The following YEATS4 variants were observed in gnomAD, a reference collection of about 807,000 sequenced individuals.
YEATS4 encodes YEATS domain-containing protein 4.
In YEATS4, 17 loss-of-function variants were observed where a neutral mutation model predicts 30.1. That is an observed-to-expected ratio of 0.56 (90% CI 0.39 to 0.85). YEATS4 has a LOEUF of 0.85. YEATS4 is among the 40% of genes least tolerant of loss of function. The pLI is 0.00. For missense variants in YEATS4, 142 were observed against 268.3 expected (o/e 0.53, Z 3.29); for synonymous variants, 85 against 87.5 (o/e 0.97, Z 0.16).
At chr12:69,371,341 T>C (rs1488172134) in intron 6 of YEATS4, among the ~76,000 whole-genome samples, 2 of 152,248 alleles carry the variant, frequency 1.3e-5, no homozygotes, top group African/African-American at 4.8e-5. Context: ...ATTATACTTT[T>C]ATATACTGTG....
chr12:69,360,259 G>A (rs1012299069), intron 1 of YEATS4, among the ~76,000 whole-genome samples: 4 of 152,188 alleles, frequency 2.6e-5, no homozygotes, highest in African/African-American at 4.8e-5. Context: ...ACAGATAAAT[G>A]GTGGCTTGGG....
chr12:69,366,423 C>T (rs1875437087), intron 4 of YEATS4, among the ~76,000 whole-genome samples: 1 of 152,060 alleles, frequency 6.6e-6, no homozygotes, highest in African/African-American at 2.4e-5. Flanking sequence ...GATCCTTCAG[C>T]AACTTTGTTA....
downstream of YEATS4, among the ~76,000 whole-genome samples, chr12:69,391,501 A>G (rs1029962912): frequency 6.6e-6 from 1 of 152,182 alleles, no homozygotes; most frequent in Non-Finnish European, 1.5e-5. Context: ...CATCTTGGCA[A>G]CCTAGGAACA....
the YEATS4 span, among the ~76,000 whole-genome samples, chr12:69,411,647 C>A: frequency 2.0e-5 from 3 of 152,034 alleles, no homozygotes; most frequent in African/African-American, 7.2e-5. Flanking sequence ...GGAGTGTGGA[C>A]AGGGTTGCAA....
At chr12:69,418,446 TG>T in the YEATS4 span, among the ~76,000 whole-genome samples, 2 of 152,054 alleles carry the variant, frequency 1.3e-5, no homozygotes, top group African/African-American at 2.4e-5. Flanking sequence ...AGTGAGACTC[TG>T]TCTCAAAAAA....
At chr12:69,371,448 ATGT>A (rs1875634527) in intron 6 of YEATS4, among the ~76,000 whole-genome samples, 1 of 152,238 alleles carries the variant, frequency 6.6e-6, no homozygotes, top group Non-Finnish European at 1.5e-5. Flanking sequence ...ATAATCGGTC[ATGT>A]TGTATTTTCT....
At chr12:69,405,298 A>G in the YEATS4 span, among the ~76,000 whole-genome samples, 2 of 152,230 alleles carry the variant, frequency 1.3e-5, no homozygotes, top group African/African-American at 4.8e-5. Flanking sequence ...TCTATGATAA[A>G]GTTTAATTTA....
At chr12:69,360,097 C>T in intron 1 of YEATS4, 74 bp downstream of exon 1, 5 of 1,517,872 alleles carry the variant, frequency 3.3e-6, no homozygotes, top group East Asian at 2.4e-5. Flanking sequence ...GCGGGGAGGG[C>T]CCACTGGGTT....
At chr12:69,399,036 A>G in the YEATS4 span, among the ~76,000 whole-genome samples, 4,684 of 151,688 alleles carry the variant, frequency 0.031, 171 homozygotes, top group African/African-American at 0.091. Flanking sequence ...AGTCCCAGGT[A>G]CTCAGGATGC....
intron 4 of YEATS4, among the ~76,000 whole-genome samples, chr12:69,368,142 T>C (rs992788674): frequency 6.6e-6 from 1 of 152,244 alleles, no homozygotes; most frequent in Non-Finnish European, 1.5e-5. Flanking sequence ...TATTAAACTA[T>C]TGTACTTTTT....
At chr12:69,408,751 A>G in the YEATS4 span, among the ~76,000 whole-genome samples, 1 of 152,210 alleles carries the variant, frequency 6.6e-6, no homozygotes, top group Non-Finnish European at 1.5e-5. Flanking sequence ...TTCCTTGTCC[A>G]TCAATGTGAA....
chr12:69,407,062 A>G, the YEATS4 span, among the ~76,000 whole-genome samples: 2 of 149,812 alleles, frequency 1.3e-5, 1 homozygote, highest in South Asian at 4.2e-4. Context: ...TAATCCTCCC[A>G]CCTTGCCCTC....
the YEATS4 span, among the ~76,000 whole-genome samples, chr12:69,421,286 A>G: frequency 6.6e-6 from 1 of 152,222 alleles, no homozygotes; most frequent in Non-Finnish European, 1.5e-5. Context: ...AAGAATCATC[A>G]TATGAGAAGG....
At chr12:69,423,724 T>C in the YEATS4 span, among the ~76,000 whole-genome samples, 7 of 152,182 alleles carry the variant, frequency 4.6e-5, no homozygotes, top group African/African-American at 1.7e-4. Context: ...ATCAGTTTGT[T>C]AGAAAGAACA....
intron 6 of YEATS4, among the ~76,000 whole-genome samples, chr12:69,383,405 A>G (rs188563172): frequency 6.6e-6 from 1 of 152,338 alleles, no homozygotes; most frequent in East Asian, 1.9e-4. Flanking sequence ...GAAAGTTAAT[A>G]CAGTTATAAA....
chr12:69,414,490 C>A, the YEATS4 span, among the ~76,000 whole-genome samples: 87,005 of 152,090 alleles, frequency 0.57, 27,336 homozygotes, highest in East Asian at 0.81. Context: ...CTTAGCCTCC[C>A]AAAGCACTGG....
Position 69,379,583 on chromosome 12 carries a change from A to ATTTTTT in YEATS4, c.514+8640_514+8645dup, listed in dbSNP as rs61048163. 1.4e-3 allele frequency among the ~76,000 whole-genome samples: 101 copies of ATTTTTT among 72,294 alleles called. 5 individuals are homozygous for ATTTTTT. Among genetic ancestry groups the ATTTTTT allele is most frequent in the Non-Finnish European group, 2.0e-3 (79 of 39,100 alleles). The allele number at this position is 72,294 out of a possible 152,430, so 47.4% of individuals were successfully genotyped here. On this transcript the variant is annotated intron_variant, in intron 6 of 6. Coordinates refer to ENST00000247843, the MANE Select transcript of YEATS4 (RefSeq NM_006530.4). ...CACATGCCACCACTATGCCCAGCTAATTTTTTTTTTTTTTTTTTTTTTTTT... is the reference window on the plus strand; with the variant it reads ...CACATGCCACCACTATGCCCAGCTAATTTTTTTTTTTTTTTTTTTTTTTTTTTTTTT...
intron 6 of YEATS4, among the ~76,000 whole-genome samples, chr12:69,389,288 A>G (rs551345991): frequency 5.3e-5 from 8 of 151,696 alleles, no homozygotes; most frequent in African/African-American, 9.7e-5. Flanking sequence ...CGTCTCTACT[A>G]AAATACAAAA....
intron 6 of YEATS4, among the ~76,000 whole-genome samples, chr12:69,381,930 A>T (rs1430224493): frequency 6.6e-6 from 1 of 152,218 alleles, no homozygotes; most frequent in African/African-American, 2.4e-5. Context: ...TGGAGCCCCC[A>T]ATAGACTTAA....
Sources: allele counts gnomAD v4.1 joint callset (sites outside exome capture counted in the v4.1 genomes callset), GRCh38; gene constraint gnomAD v4.1.1; transcripts MANE v1.5; gene names NCBI Gene and HGNC (gene_info 2026-07-23, HGNC 2026-07-21).